The following NBAS variants were observed in gnomAD, a reference collection of about 807,000 sequenced individuals.
NBAS encodes NBAS subunit of NRZ tethering complex.
In NBAS, 219 loss-of-function variants were observed where a neutral mutation model predicts 302.5. The observed-to-expected ratio is 0.72, with a 90% CI of 0.65 to 0.81. The LOEUF (loss-of-function observed/expected upper bound fraction) is 0.81, where lower values mean the gene tolerates loss of function less well. Ranked by LOEUF, NBAS falls within the 30% of genes least tolerant of loss-of-function variation. NBAS has a pLI of 0.00. For synonymous variants in NBAS, 1,118 were observed against 1,021.6 expected, an observed-to-expected ratio of 1.09 and a Z score of -1.80; for missense variants, 2,932 against 2,841.6, an observed-to-expected ratio of 1.03 and a Z score of -0.72.
At chr2:15,111,055 A>G in the NBAS span, among the ~76,000 whole-genome samples, 2 of 152,198 alleles carry the variant, frequency 1.3e-5, no homozygotes, top group Admixed American at 6.5e-5. Context: ...GATAATAAAT[A>G]CTGACTTTGT....
chr2:15,058,438 C>T, the NBAS span, among the ~76,000 whole-genome samples: 4 of 152,196 alleles, frequency 2.6e-5, no homozygotes, highest in African/African-American at 9.7e-5. Flanking sequence ...GAAATATCCA[C>T]AAATAAAAGT....
chr2:14,890,851 C>CA, the NBAS span: 179 of 138,344 alleles, frequency 1.3e-3, no homozygotes, highest in African/African-American at 4.1e-3. Flanking sequence ...AAACAAACAA[C>CA]AACAAAAAAA....
chr2:15,448,787 G>C (rs1255874689), intron 21 of NBAS, among the ~76,000 whole-genome samples: 2 of 152,032 alleles, frequency 1.3e-5, no homozygotes, highest in Non-Finnish European at 2.9e-5. Flanking sequence ...GCTTAAACAG[G>C]CTTGCCTATA....
At chr2:15,458,157 G>A (rs1286188120) in intron 21 of NBAS, among the ~76,000 whole-genome samples, 2 of 152,066 alleles carry the variant, frequency 1.3e-5, no homozygotes, top group Non-Finnish European at 2.9e-5. Context: ...GGAAATGAGG[G>A]AAAAAGGCAG....
chr2:14,912,784 G>A, the NBAS span, among the ~76,000 whole-genome samples: 1 of 151,294 alleles, frequency 6.6e-6, no homozygotes, highest in Non-Finnish European at 1.5e-5. Flanking sequence ...CTGTTACAAG[G>A]GAATTTTTAC....
chr2:15,205,986 T>C (rs1666123741), intron 48 of NBAS, among the ~76,000 whole-genome samples: 1 of 152,154 alleles, frequency 6.6e-6, no homozygotes, highest in Non-Finnish European at 1.5e-5. Context: ...GATATAAAGA[T>C]ACCTGAAAAT....
At chr2:15,397,357 TA>T (rs1675915468) in intron 26 of NBAS, 2 of 246,188 alleles carry the variant, frequency 8.1e-6, no homozygotes, top group Admixed American at 1.1e-4. Context: ...ATTTATTTTT[TA>T]TTTTTTTTTC....
chr2:15,212,627 T>C (rs1346455335), intron 48 of NBAS, among the ~76,000 whole-genome samples: 1 of 152,178 alleles, frequency 6.6e-6, no homozygotes, highest in African/African-American at 2.4e-5. Context: ...GTAGTTCCCA[T>C]AATCCCCACG....
intron 9 of NBAS, among the ~76,000 whole-genome samples, chr2:15,526,468 A>G (rs1167149697): frequency 6.6e-6 from 1 of 152,184 alleles, no homozygotes; most frequent in African/African-American, 2.4e-5. Flanking sequence ...TCACATTTAT[A>G]AAATCTTTGT....
the NBAS span, among the ~76,000 whole-genome samples, chr2:14,846,669 A>C: frequency 6.6e-6 from 1 of 152,138 alleles, no homozygotes; most frequent in Non-Finnish European, 1.5e-5. Context: ...AAAAAAGTTG[A>C]AAAGTGGGGG....
chr2:15,469,411 T>C (rs1679861059), intron 16 of NBAS, among the ~76,000 whole-genome samples: 1 of 152,176 alleles, frequency 6.6e-6, no homozygotes. Flanking sequence ...GTCTTTGTTA[T>C]TGTGGAAGAC....
chr2:15,133,767 G>A, the NBAS span, among the ~76,000 whole-genome samples: 1 of 152,116 alleles, frequency 6.6e-6, no homozygotes, highest in East Asian at 1.9e-4. Flanking sequence ...TTAATTACAT[G>A]TGGACTAAAT....
chr2:15,468,285 A>T, intron 17 of NBAS, 97 bp downstream of exon 17: 1 of 1,423,072 alleles, frequency 7.0e-7, no homozygotes, highest in African/African-American at 1.4e-5. Context: ...AGTACAGAAT[A>T]ACTTAAATAA....
chr2:14,831,453 C>A, the NBAS span, among the ~76,000 whole-genome samples: 2 of 152,100 alleles, frequency 1.3e-5, no homozygotes, highest in Non-Finnish European at 2.9e-5. Flanking sequence ...TGTTGAAGCA[C>A]AAAATTTATT....
At chr2:14,951,606 T>C in the NBAS span, among the ~76,000 whole-genome samples, 1 of 152,234 alleles carries the variant, frequency 6.6e-6, no homozygotes, top group African/African-American at 2.4e-5. Flanking sequence ...CAAAGTTTGA[T>C]GTTTCTGTTT....
At chr2:15,299,371 T>C (rs1670693829) in intron 40 of NBAS, among the ~76,000 whole-genome samples, 1 of 152,228 alleles carries the variant, frequency 6.6e-6, no homozygotes, top group Non-Finnish European at 1.5e-5. Flanking sequence ...TAAATATTCA[T>C]GACAACAAAA....
At chr2:15,057,707 TAGA>T in the NBAS span, among the ~76,000 whole-genome samples, 57 of 152,342 alleles carry the variant, frequency 3.7e-4, no homozygotes, top group African/African-American at 1.3e-3. Flanking sequence ...TTACTTCACT[TAGA>T]ATAATAGTCT....
intron 19 of NBAS, among the ~76,000 whole-genome samples, chr2:15,464,050 G>C (rs1199716072): frequency 6.6e-6 from 1 of 152,020 alleles, no homozygotes; most frequent in African/African-American, 2.4e-5. Flanking sequence ...AAAATGGTTG[G>C]TGCTGAGCAA....
intron 48 of NBAS, among the ~76,000 whole-genome samples, chr2:15,191,381 A>G (rs1332672602): frequency 1.3e-5 from 2 of 152,230 alleles, no homozygotes; most frequent in African/African-American, 2.4e-5. Flanking sequence ...GCATTTTACA[A>G]AAGTTGCTAT....
Sources: gnomAD v4.1 joint callset for allele counts (sites outside exome capture counted in the v4.1 genomes callset) on GRCh38, gnomAD v4.1.1 for gene constraint, MANE v1.5 for transcripts, NCBI Gene and HGNC (gene_info 2026-07-23, HGNC 2026-07-21) for gene names.